CCDC9B: variants seen among roughly 807,000 people sequenced by gnomAD.
CCDC9B encodes coiled-coil domain-containing protein 9B.
Under a neutral mutation model 47.2 loss-of-function variants are expected in CCDC9B, and 40 were observed. The observed-to-expected ratio is 0.85, with a 90% CI of 0.66 to 1.10. CCDC9B has a LOEUF of 1.10. Ranked by LOEUF, CCDC9B falls within the 50% of genes least tolerant of loss-of-function variation. The pLI is 0.00. For missense variants in CCDC9B, 662 were observed against 651.0 expected (o/e 1.02, Z -0.18); for synonymous variants, 238 against 250.7 (o/e 0.95, Z 0.48).
At position 40,338,559 on chromosome 15, in the gene CCDC9B, G is replaced by A; in HGVS notation, c.489C>T (p.Ala163=). The A allele has an allele frequency of 6.2e-7, 1 of 1,614,102 alleles. No homozygotes were observed. The highest frequency in any genetic ancestry group is 8.5e-7 in the Non-Finnish European group (1 of 1,180,008). ...RVTRSPPTQV[A]ISSDSARKGS... is the part of the protein sequence containing the mutation. The stretch of plus-strand genomic sequence containing the variant: ...CCTTCCGTGCAGAATCTGAGCTGAT[G>A]GCCACCTGCGTGGGGGGGCTTCGGG... Residue 163 remains alanine (A), a synonymous_variant, in exon 5 of 11, where the codon GCC becomes GCT. Transcript: ENST00000397536.
intron 7 of CCDC9B, 70 bp from the exon 8 acceptor site, chr15:40,336,883 C>T (rs1352999371): frequency 1.4e-6 from 2 of 1,476,078 alleles, no homozygotes; most frequent in Admixed American, 2.1e-5. Flanking sequence ...CCAGTTCTTC[C>T]AGCCTCAGGA....
intron 9 of CCDC9B, chr15:40,336,147 A>G (rs1386152897): frequency 1.3e-5 from 13 of 985,302 alleles, no homozygotes; most frequent in Non-Finnish European, 1.6e-5. Flanking sequence ...CTGGGATCAG[A>G]GCCAGAATGT....
rs746123374 is a variant in CCDC9B at position 40,338,702 on chromosome 15, G to C, written c.388-42C>G. ...TGGGCAGTGCAGCAGAGCCAGGGAG[G>C]AAGAGGCTGCCTGCCGATGCCTGCA... On this transcript the variant is annotated intron_variant, in intron 4 of 10. Coordinates refer to ENST00000397536, the MANE Select transcript of CCDC9B (RefSeq NM_207380.3). The C allele has an allele frequency of 5.6e-6, 9 of 1,611,262 alleles. No homozygotes were observed. The South Asian group carries it at 8.8e-5, about 16-fold the overall frequency.
At position 40,331,504 on chromosome 15, in the gene CCDC9B, T is replaced by A. The variant is rs959852244; in HGVS notation, c.*3654A>T. The A allele has an allele frequency of 6.8e-6, 1 of 147,318 alleles. No individual in the cohort carries two copies. Among genetic ancestry groups the A allele is most frequent in the Non-Finnish European group, 1.5e-5 (1 of 65,380 alleles). 9.1% of individuals were successfully genotyped at this position (147,318 alleles called of 1,614,324 possible). A position where few individuals can be genotyped will look rare whatever the true frequency, so the allele number is the denominator to read the frequency against. ...CAACAAGTATTTACTGAGTGCCTTC[T>A]GTGTGCCACGCTACTGTTAAGACAG... On this transcript the variant is annotated 3_prime_UTR_variant, in exon 11 of 11. Transcript: ENST00000397536.
At chr15:40,336,097 A>G (rs1888953823) in intron 9 of CCDC9B, 2 of 985,360 alleles carry the variant, frequency 2.0e-6, no homozygotes, top group African/African-American at 1.7e-5. Context: ...CTCCTTGCCA[A>G]AGAAACTCCT....
At chr15:40,340,069 C>G (rs1368809671) in intron 1 of CCDC9B, 54 bp from the exon 2 acceptor site, 4 of 1,118,726 alleles carry the variant, frequency 3.6e-6, no homozygotes, top group Non-Finnish European at 5.3e-6. Context: ...TCTCACCAGT[C>G]CCCAGCTTTC....
intron 2 of CCDC9B, 27 bp downstream of exon 2, chr15:40,339,878 C>A: frequency 6.4e-7 from 1 of 1,566,614 alleles, no homozygotes; most frequent in Admixed American, 1.7e-5. Context: ...CAAGTGGTTT[C>A]TCCTGGCCCT....
At position 40,333,426 on chromosome 15, in the gene CCDC9B, G is replaced by A. The variant is rs1888893565; in HGVS notation, c.*1732C>T. ...CTACAAAAAATACAAAAATTAGCCA[G>A]GTGTGGTGGCACACCTGTAGTCCCG... is the stretch of plus-strand genomic sequence containing the variant. On this transcript the variant is annotated 3_prime_UTR_variant, in exon 11 of 11. Coordinates refer to ENST00000397536, the MANE Select transcript of CCDC9B (RefSeq NM_207380.3). 1 of 151,976 alleles carries A rather than the reference G, an allele frequency of 6.6e-6. No homozygotes were observed. The highest frequency in any genetic ancestry group is 2.4e-5 in the African/African-American group (1 of 41,282). 9.4% of individuals were successfully genotyped at this position (151,976 alleles called of 1,614,324 possible).
chr15:40,335,906 G>A, intron 9 of CCDC9B, 80 bp from the exon 10 acceptor site: 2 of 1,555,078 alleles, frequency 1.3e-6, no homozygotes, highest in East Asian at 2.4e-5. Flanking sequence ...GAGGGGTGGG[G>A]TGGAGTTGAG....
rs1888926205 is a variant in CCDC9B at position 40,335,111 on chromosome 15, T to G, written c.*47A>C. On this transcript the variant is annotated 3_prime_UTR_variant, in exon 11 of 11. Coordinates refer to ENST00000397536, the MANE Select transcript of CCDC9B (RefSeq NM_207380.3). The stretch of plus-strand genomic sequence containing the variant: ...ACGCGGAGGGCCTTTAACAGAGTGA[T>G]TCCCTTTTCCTCTCCCCGGGGACTC... The G allele has an allele frequency of 2.7e-6, 4 of 1,454,572 alleles. No homozygotes were observed. Among genetic ancestry groups the G allele is most frequent in the African/African-American group, 2.8e-5 (2 of 70,726 alleles). 90.1% of individuals were successfully genotyped at this position (1,454,572 alleles called of 1,614,324 possible).
chr15:40,332,388 A>G lies in CCDC9B; in HGVS notation c.*2770T>C, dbSNP rs1313628167. On this transcript the variant is annotated 3_prime_UTR_variant, in exon 11 of 11. Coordinates refer to ENST00000397536, the MANE Select transcript of CCDC9B (RefSeq NM_207380.3). ...AAAGAGCTCAATGTTACCTGCCTAC[A>G]CTACCATCTTCCTGCAATGAAGAGG... is the stretch of plus-strand genomic sequence containing the variant. 6.6e-6 allele frequency: 1 copy of G among 152,194 alleles called. No individual in the cohort carries two copies. The highest frequency in any genetic ancestry group is 2.4e-5 in the African/African-American group (1 of 41,440). 9.4% of individuals were successfully genotyped at this position (152,194 alleles called of 1,614,324 possible).
chr15:40,340,266 C>A (rs1237355884), intron 1 of CCDC9B: 10 of 518,672 alleles, frequency 1.9e-5, no homozygotes, highest in African/African-American at 1.9e-4. Context: ...CAGCTCCCAG[C>A]AGTGGGGTGC....
At position 40,339,586 on chromosome 15, in the gene CCDC9B, C is replaced by T; in HGVS notation, c.157G>A (p.Gly53Arg). 3 of 1,613,726 alleles carry T rather than the reference C, an allele frequency of 1.9e-6. No individual in the cohort carries two copies. Among genetic ancestry groups the T allele is most frequent in the East Asian group, 2.2e-5 (1 of 44,882 alleles). Residue 53 changes from glycine (G) to arginine (R), a missense_variant, in exon 3 of 11, where the codon GGG (glycine) becomes AGG (arginine). By Grantham distance (125) the Gly-to-Arg change is moderately radical. Coordinates refer to ENST00000397536, the MANE Select transcript of CCDC9B (RefSeq NM_207380.3). ...GCTGGTGTGGTCACAGCCATCCCCC[C>T]CTGCTCTGCCTGCCGACGGTCCTCC... is the stretch of plus-strand genomic sequence containing the variant. ...IQEDRRQAEQGGMAVTTPALL... is the reference protein window; with the variant it reads ...IQEDRRQAEQRGMAVTTPALL...
At position 40,334,998 on chromosome 15, in the gene CCDC9B, T is replaced by G. The variant is rs1888924213; in HGVS notation, c.*160A>C. ...AGCGTGTGAGGTGCAGGGAGGCCAC[T>G]CCTTGCCCTCACAAGGTCGCCATGC... On this transcript the variant is annotated 3_prime_UTR_variant, in exon 11 of 11. Transcript: ENST00000397536. 1 of 610,546 alleles carries G rather than the reference T, an allele frequency of 1.6e-6. No individual in the cohort carries two copies. The highest frequency in any genetic ancestry group is 1.8e-5 in the African/African-American group (1 of 54,488). The allele number at this position is 610,546 out of a possible 1,614,324, so 37.8% of individuals were successfully genotyped here.
In CCDC9B at chr15:40,338,795, A is replaced by G. The variant is rs750652009; in HGVS notation, c.340T>C (p.Leu114=). The G allele has an allele frequency of 7.6e-5, 123 of 1,613,986 alleles. No individual in the cohort carries two copies. Among genetic ancestry groups the G allele is most frequent in the Non-Finnish European group, 1.0e-4 (122 of 1,179,946 alleles). ...DAEDHGGTFC[L]GELVELAVTM... ...ACAGCCAGCTCCACCAGCTCCCCTA[A>G]GCAGAAAGTACCCCCGTGGTCCTCA... The change falls in exon 4 of 11, where the codon TTA becomes CTA. Residue 114 remains leucine (L), a synonymous_variant. Transcript: ENST00000397536.
At chr15:40,339,177 G>T in intron 3 of CCDC9B, 2 of 594,824 alleles carry the variant, frequency 3.4e-6, no homozygotes, top group Non-Finnish European at 6.0e-6. Flanking sequence ...CTCAGACACT[G>T]CTCCTGGCAT....
At chr15:40,340,564 G>A (rs1164230216) in intron 1 of CCDC9B, 7 of 506,104 alleles carry the variant, frequency 1.4e-5, no homozygotes, top group African/African-American at 4.0e-5. Context: ...GCTGGTAGTC[G>A]GGGCGGAGAG....
At chr15:40,337,981 AG>A in intron 5 of CCDC9B, 88 bp from the exon 6 acceptor site, 4 of 1,283,636 alleles carry the variant, frequency 3.1e-6, no homozygotes, top group East Asian at 2.5e-5. Context: ...TCCTCTCTCA[AG>A]GTTTCCACAT....
chr15:40,335,607 C>T lies in CCDC9B; in HGVS notation c.1024G>A (p.Ala342Thr). Reference sequence around the variant, plus strand: ...TCTGGGGATGCCAGGGCTGGGCTGGCTGCAGGGGCGCTCCCCAGTCGGCCC... The same window carrying T: ...TCTGGGGATGCCAGGGCTGGGCTGGTTGCAGGGGCGCTCCCCAGTCGGCCC... ...EQGRLGSAPA[A>T]SPALASPEGP... The change falls in exon 11 of 11, where the codon GCC becomes ACC. Residue 342 changes from alanine (A) to threonine (T), a missense_variant. Ala to Thr is a moderately conservative substitution (Grantham distance 58, BLOSUM62 0). Transcript: ENST00000397536. The T allele has an allele frequency of 6.7e-7, 1 of 1,500,692 alleles. No homozygotes were observed. The highest frequency in any genetic ancestry group is 8.9e-7 in the Non-Finnish European group (1 of 1,120,816). The allele number at this position is 1,500,692 out of a possible 1,614,324, so 93.0% of individuals were successfully genotyped here.
Sources: gnomAD v4.1 joint callset for allele counts on GRCh38, gnomAD v4.1.1 for gene constraint, MANE v1.5 for transcripts, NCBI Gene and HGNC (gene_info 2026-07-23, HGNC 2026-07-21) for gene names.